The following EML6 variants were observed in gnomAD, a reference collection of about 807,000 sequenced individuals.
EML6 encodes the protein echinoderm microtubule-associated protein-like 6.
Under a neutral mutation model 240.1 loss-of-function variants are expected in EML6, and 154 were observed. That is an observed-to-expected ratio of 0.64 (90% CI 0.56 to 0.73). The LOEUF is 0.73. Ranked by LOEUF, EML6 falls within the 30% of genes least tolerant of loss-of-function variation. The probability of loss-of-function intolerance (pLI) is 0.00; values close to 1 mark genes in which losing one functional copy is unlikely to be tolerated. For missense variants in EML6, 2,964 were observed against 2,474.6 expected (o/e 1.20, Z -4.20); for synonymous variants, 1,148 against 899.0 (o/e 1.28, Z -4.95).
chr2:54,928,831 C>T (rs781102005), intron 28 of EML6, 80 bp downstream of exon 28: 164 of 1,495,226 alleles, frequency 1.1e-4, no homozygotes, highest in Non-Finnish European at 1.4e-4. Flanking sequence ...GTTTTCTTTG[C>T]CCTCAAAGTT....
chr2:54,901,910 G>A (rs941249284), intron 22 of EML6, among the ~76,000 whole-genome samples: 1 of 152,200 alleles, frequency 6.6e-6, no homozygotes, highest in Non-Finnish European at 1.5e-5. Context: ...CCATGCTCCT[G>A]ATTCAGAAAT....
chr2:54,948,434 C>T (rs1449900807), intron 28 of EML6, among the ~76,000 whole-genome samples: 2 of 152,156 alleles, frequency 1.3e-5, no homozygotes, highest in African/African-American at 2.4e-5. Flanking sequence ...TGCCACTTCA[C>T]GCCACACCAT....
At chr2:54,876,507 C>T (rs778393648) in intron 16 of EML6, among the ~76,000 whole-genome samples, 18 of 152,130 alleles carry the variant, frequency 1.2e-4, no homozygotes, top group Non-Finnish European at 1.9e-4. Context: ...CCTCTTACCC[C>T]GGCAAAATCA....
chr2:54,837,869 T>C (rs963209780), intron 7 of EML6, among the ~76,000 whole-genome samples: 7 of 152,146 alleles, frequency 4.6e-5, no homozygotes, highest in Non-Finnish European at 4.4e-5. Flanking sequence ...CTGGTGTACA[T>C]TGAGGGTTGG....
intron 2 of EML6, among the ~76,000 whole-genome samples, chr2:54,773,141 A>G (rs1299514880): frequency 6.6e-6 from 1 of 152,208 alleles, no homozygotes; most frequent in African/African-American, 2.4e-5. Flanking sequence ...GGGTGAGCTA[A>G]CTGTCCAGCT....
chr2:54,803,071 A>G (rs940035143), intron 2 of EML6, among the ~76,000 whole-genome samples: 2 of 152,134 alleles, frequency 1.3e-5, no homozygotes, highest in African/African-American at 2.4e-5. Flanking sequence ...GAAATATTAC[A>G]TATGATCCTC....
intron 2 of EML6, among the ~76,000 whole-genome samples, chr2:54,811,717 A>G (rs1025189061): frequency 1.2e-4 from 18 of 152,220 alleles, no homozygotes; most frequent in African/African-American, 4.3e-4. Context: ...ACTCAGCTTA[A>G]TGAGCAAACA....
intron 2 of EML6, among the ~76,000 whole-genome samples, chr2:54,759,655 T>C (rs1667890048): frequency 6.6e-6 from 1 of 152,052 alleles, no homozygotes; most frequent in South Asian, 2.1e-4. Context: ...ATGTACCAAC[T>C]CATTTAAATC....
At chr2:54,737,176 T>C (rs1683434820) in intron 2 of EML6, among the ~76,000 whole-genome samples, 1 of 152,232 alleles carries the variant, frequency 6.6e-6, no homozygotes, top group South Asian at 2.1e-4. Flanking sequence ...AGAATGTACT[T>C]ATCTTAGAAG....
chr2:54,782,763 C>T (rs924323839), intron 2 of EML6, among the ~76,000 whole-genome samples: 1 of 151,982 alleles, frequency 6.6e-6, no homozygotes. Context: ...CACCCACCTC[C>T]ATTTTGTTTT....
intron 16 of EML6, among the ~76,000 whole-genome samples, chr2:54,872,109 C>A (rs1027385105): frequency 6.6e-6 from 1 of 151,964 alleles, no homozygotes; most frequent in Non-Finnish European, 1.5e-5. Context: ...ACTTTTATAT[C>A]GAAAAAATAG....
chr2:54,928,578 G>A (rs1305655603), intron 27 of EML6, 47 bp from the exon 28 acceptor site: 1 of 1,551,672 alleles, frequency 6.4e-7, no homozygotes, highest in East Asian at 2.4e-5. Context: ...TCCCTTCCTG[G>A]GCCACTGCAA....
At chr2:54,800,776 G>A (rs922319805) in intron 2 of EML6, among the ~76,000 whole-genome samples, 5 of 152,032 alleles carry the variant, frequency 3.3e-5, no homozygotes, top group Non-Finnish European at 5.9e-5. Context: ...AAACCAATAC[G>A]GGGGAAGAGA....
At chr2:54,930,701 C>A (rs947288905) in intron 28 of EML6, among the ~76,000 whole-genome samples, 1 of 152,064 alleles carries the variant, frequency 6.6e-6, no homozygotes, top group African/African-American at 2.4e-5. Flanking sequence ...TCCTAGGTAA[C>A]TTTAAAAGCC....
Position 54,970,130 on chromosome 2 carries a change from G to A in EML6, c.*35G>A. The A allele has an allele frequency of 6.5e-7, 1 of 1,549,844 alleles. No homozygotes were observed. Among genetic ancestry groups the A allele is most frequent in the Non-Finnish European group, 8.7e-7 (1 of 1,145,276 alleles). On this transcript the variant is annotated 3_prime_UTR_variant, in exon 42 of 42. Transcript: ENST00000356458. ...AGCCTCTTATGTTATTGCTGCTGCT[G>A]CTACCAGCCAGCAACTGCAGAGGCC...
intron 2 of EML6, among the ~76,000 whole-genome samples, chr2:54,773,300 A>C (rs1274875295): frequency 2.0e-5 from 3 of 152,276 alleles, no homozygotes; most frequent in Non-Finnish European, 4.4e-5. Flanking sequence ...CTGAGCATGT[A>C]GCCCAAAGCC....
At chr2:54,731,978 C>CT (rs1045520826) in intron 2 of EML6, among the ~76,000 whole-genome samples, 92 of 152,154 alleles carry the variant, frequency 6.0e-4, no homozygotes, top group African/African-American at 1.7e-3. Flanking sequence ...TACTGTCTGT[C>CT]TTTTTTTTAC....
chr2:54,794,795 T>C (rs757957122), intron 2 of EML6, among the ~76,000 whole-genome samples: 4 of 152,232 alleles, frequency 2.6e-5, no homozygotes, highest in Non-Finnish European at 5.9e-5. Flanking sequence ...GTGACAAGTG[T>C]AATACAGTTG....
intron 11 of EML6, among the ~76,000 whole-genome samples, chr2:54,856,349 A>G (rs927441793): frequency 6.6e-5 from 10 of 152,138 alleles, no homozygotes; most frequent in African/African-American, 1.9e-4. Context: ...CCCTACTCCA[A>G]TGGGAGACTC....
Sources: allele counts gnomAD v4.1 joint callset (sites outside exome capture counted in the v4.1 genomes callset), GRCh38; gene constraint gnomAD v4.1.1; transcripts MANE v1.5; gene names NCBI Gene and HGNC (gene_info 2026-07-23, HGNC 2026-07-21).